The following KLRG1 variants were observed in gnomAD, a reference collection of about 807,000 sequenced individuals.
The protein encoded by KLRG1 is killer cell lectin like receptor G1, also known as killer cell lectin-like receptor subfamily G member 1.
Under a neutral mutation model 21.8 loss-of-function variants are expected in KLRG1, and 16 were observed. The ratio of observed to expected loss-of-function variants is 0.73; its 90% CI spans 0.50 to 1.11. The LOEUF (loss-of-function observed/expected upper bound fraction) is 1.11, where lower values mean the gene tolerates loss of function less well. Among genes scored for constraint, KLRG1 ranks in the 50% most tolerant of loss-of-function variants. KLRG1 has a pLI of 0.00. For missense variants in KLRG1, 173 were observed against 218.3 expected (o/e 0.79, Z 1.31); for synonymous variants, 69 against 75.9 (o/e 0.91, Z 0.47).
chr12:9,201,592 T>G, the KLRG1 span, among the ~76,000 whole-genome samples: 1 of 152,328 alleles, frequency 6.6e-6, no homozygotes, highest in Admixed American at 6.5e-5. Context: ...GTGAATGATA[T>G]TATTGAATCT....
the KLRG1 span, chr12:9,107,783 GAAGACAA>G: frequency 1.2e-6 from 1 of 852,356 alleles, no homozygotes; most frequent in East Asian, 2.7e-5. Context: ...ACACAATATT[GAAGACAA>G]GAGTCACTAA....
the KLRG1 span, chr12:9,107,622 G>A: frequency 6.2e-7 from 1 of 1,613,830 alleles, no homozygotes; most frequent in Non-Finnish European, 8.5e-7. Flanking sequence ...ACATGTCCAG[G>A]GACAGGCTTC....
chr12:9,079,787 G>A, the KLRG1 span: 1 of 1,611,548 alleles, frequency 6.2e-7, no homozygotes, highest in South Asian at 1.1e-5. Context: ...GATTTTGTGT[G>A]TTTTGCATGG....
intron 1 of KLRG1, among the ~76,000 whole-genome samples, chr12:8,967,585 G>A (rs1441750008): frequency 1.6e-5 from 1 of 63,036 alleles, no homozygotes; most frequent in African/African-American, 3.6e-5. Flanking sequence ...AGCCAGGCGT[G>A]GTGGTGCATG....
At chr12:9,106,732 CA>C in the KLRG1 span, 1 of 441,594 alleles carries the variant, frequency 2.3e-6, no homozygotes, top group Admixed American at 4.1e-5. Context: ...GACGAGGACA[CA>C]ATAAATATTC....
chr12:9,099,635 A>C, the KLRG1 span: 1 of 1,295,174 alleles, frequency 7.7e-7, no homozygotes, highest in South Asian at 1.7e-5. Flanking sequence ...ATTACCTCTA[A>C]GGACTCTAGC....
chr12:9,082,958 T>C, the KLRG1 span, among the ~76,000 whole-genome samples: 1 of 152,160 alleles, frequency 6.6e-6, no homozygotes, highest in Non-Finnish European at 1.5e-5. Context: ...CTGGGTCAAA[T>C]GTATTTCTAG....
At chr12:9,144,175 G>C in the KLRG1 span, among the ~76,000 whole-genome samples, 1 of 152,006 alleles carries the variant, frequency 6.6e-6, no homozygotes, top group East Asian at 1.9e-4. Context: ...AAGAGAGAGA[G>C]AGAGAGAGAG....
At chr12:9,149,198 G>A in the KLRG1 span, among the ~76,000 whole-genome samples, 1 of 152,180 alleles carries the variant, frequency 6.6e-6, no homozygotes. Context: ...TAATAAGTGT[G>A]GCCATGTGCC....
chr12:9,196,715 C>A, the KLRG1 span: 1 of 1,513,966 alleles, frequency 6.6e-7, no homozygotes, highest in South Asian at 1.1e-5. Flanking sequence ...CAATAAATGT[C>A]AAACTGATTG....
the KLRG1 span, among the ~76,000 whole-genome samples, chr12:9,179,748 T>C: frequency 6.6e-6 from 1 of 152,236 alleles, no homozygotes; most frequent in Non-Finnish European, 1.5e-5. Flanking sequence ...CACATTAATT[T>C]ACTCACTCTT....
chr12:8,977,370 AT>A (rs1229287155), intron 1 of KLRG1, among the ~76,000 whole-genome samples: 18,282 of 127,784 alleles, frequency 0.14, 1,153 homozygotes, highest in African/African-American at 0.19. Context: ...TGCCTGGCTA[AT>A]TTTTTTTTTT....
At chr12:9,112,429 G>C in the KLRG1 span, 2 of 1,613,882 alleles carry the variant, frequency 1.2e-6, no homozygotes, top group South Asian at 1.1e-5. Context: ...AGACCAGACT[G>C]TCCTCGTTCT....
At chr12:8,994,847 A>AT (rs1460157804) in intron 2 of KLRG1, among the ~76,000 whole-genome samples, 1 of 152,196 alleles carries the variant, frequency 6.6e-6, no homozygotes, top group African/African-American at 2.4e-5. Context: ...TTTCAGGCAG[A>AT]TTGTTGTATG....
chr12:9,151,470 C>T, the KLRG1 span: 2 of 618,310 alleles, frequency 3.2e-6, no homozygotes, highest in Non-Finnish European at 5.5e-6. Flanking sequence ...TCTTATTCTT[C>T]TTGGAATAGA....
At chr12:9,191,393 T>A in the KLRG1 span, among the ~76,000 whole-genome samples, 1 of 152,158 alleles carries the variant, frequency 6.6e-6, no homozygotes. Flanking sequence ...CAGTTTTTAA[T>A]GTTTAATTAA....
chr12:9,017,014 A>T, the KLRG1 span, among the ~76,000 whole-genome samples: 1 of 152,066 alleles, frequency 6.6e-6, no homozygotes. Context: ...ACTTTAAAAA[A>T]TTTCAAACAG....
At chr12:8,993,776 G>A (rs1947049975) in intron 2 of KLRG1, among the ~76,000 whole-genome samples, 1 of 152,116 alleles carries the variant, frequency 6.6e-6, no homozygotes, top group South Asian at 2.1e-4. Context: ...ACTTATATTG[G>A]TTGTATGCCA....
chr12:8,986,659 C>T (rs1430760650), upstream of KLRG1, among the ~76,000 whole-genome samples: 2 of 151,936 alleles, frequency 1.3e-5, no homozygotes, highest in Non-Finnish European at 2.9e-5. Flanking sequence ...CCTGTCCTGG[C>T]CCTAGAATTA....
Sources: allele counts gnomAD v4.1 joint callset (sites outside exome capture counted in the v4.1 genomes callset), GRCh38; gene constraint gnomAD v4.1.1; transcripts MANE v1.5; gene names NCBI Gene and HGNC (gene_info 2026-07-23, HGNC 2026-07-21).